STXBP5: variants seen among roughly 807,000 people sequenced by gnomAD.
STXBP5 encodes syntaxin binding protein 5.
STXBP5 carries 50 observed loss-of-function variants against 152.4 expected under a neutral mutation model. The observed-to-expected ratio is 0.33, with a 90% confidence interval of 0.26 to 0.42. The LOEUF (loss-of-function observed/expected upper bound fraction) is 0.42. Ranked by LOEUF, STXBP5 falls within the 10% of genes least tolerant of loss-of-function variation. The pLI, the probability that STXBP5 is intolerant of heterozygous loss-of-function variation, is 1.00. For synonymous variants in STXBP5, 492 were observed against 494.7 expected (o/e 0.99, Z 0.07); for missense variants, 1,167 against 1,388.6 (o/e 0.84, Z 2.54).
intron 4 of STXBP5, among the ~76,000 whole-genome samples, chr6:147,248,542 T>C (rs543622897): frequency 1.3e-5 from 2 of 152,146 alleles, no homozygotes; most frequent in African/African-American, 2.4e-5. Flanking sequence ...TTAGTTAGAT[T>C]GTGATGCAGC....
intron 27 of STXBP5, 138 bp downstream of exon 27, chr6:147,383,136 T>A (rs891776575): frequency 2.0e-6 from 2 of 1,012,242 alleles, no homozygotes; most frequent in African/African-American, 3.2e-5. Flanking sequence ...TTCCTGATTT[T>A]TGCCACCAGA....
At chr6:147,319,856 T>TTA (rs1782829453) in intron 16 of STXBP5, among the ~76,000 whole-genome samples, 1 of 76,318 alleles carries the variant, frequency 1.3e-5, no homozygotes, top group African/African-American at 5.6e-5. Context: ...TTTTTTTTTT[T>TTA]AAAGAGACAG....
At chr6:147,315,480 A>G (rs1196779961) in intron 14 of STXBP5, 35 bp from the exon 15 acceptor site, 3 of 1,396,790 alleles carry the variant, frequency 2.1e-6, no homozygotes, top group Non-Finnish European at 3.0e-6. Flanking sequence ...ATCATTTTAT[A>G]TTAAAGTATC....
intron 4 of STXBP5, among the ~76,000 whole-genome samples, chr6:147,260,121 T>C (rs993827224): frequency 2.0e-5 from 3 of 152,166 alleles, no homozygotes; most frequent in Non-Finnish European, 4.4e-5. Flanking sequence ...TACAAAAGTA[T>C]CACATCAGTT....
chr6:147,303,157 G>A (rs901444193), intron 9 of STXBP5, among the ~76,000 whole-genome samples: 4 of 152,086 alleles, frequency 2.6e-5, no homozygotes, highest in African/African-American at 9.7e-5. Flanking sequence ...TGTCAATTTA[G>A]TACTGATATG....
At chr6:147,311,356 A>G (rs773026975) in intron 10 of STXBP5, 99 bp from the exon 11 acceptor site, 8 of 1,002,960 alleles carry the variant, frequency 8.0e-6, no homozygotes, top group Admixed American at 2.1e-5. Context: ...TTAAATACTC[A>G]AGAGAATGAA....
chr6:147,300,656 A>G (rs1229403407), intron 9 of STXBP5, among the ~76,000 whole-genome samples: 1 of 152,088 alleles, frequency 6.6e-6, no homozygotes, highest in African/African-American at 2.4e-5. Flanking sequence ...AATCTGCTAA[A>G]AAATGTATTA....
At chr6:147,327,372 T>G (rs1783318704) in intron 18 of STXBP5, 96 bp downstream of exon 18, 7 of 1,407,226 alleles carry the variant, frequency 5.0e-6, no homozygotes, top group Non-Finnish European at 6.6e-6. Flanking sequence ...GTAAATAGCT[T>G]GCCTGATTTA....
At chr6:147,363,252 C>G in intron 23 of STXBP5, 83 bp from the exon 24 acceptor site, 3 of 1,342,866 alleles carry the variant, frequency 2.2e-6, no homozygotes, top group Non-Finnish European at 3.0e-6. Flanking sequence ...ATTTAAGTAT[C>G]TACTGTATGT....
intron 8 of STXBP5, among the ~76,000 whole-genome samples, chr6:147,281,448 G>A (rs192414716): frequency 2.0e-4 from 30 of 152,158 alleles, no homozygotes; most frequent in Middle Eastern, 3.4e-3. Flanking sequence ...TCACATTTGT[G>A]GTACATCATT....
intron 3 of STXBP5, among the ~76,000 whole-genome samples, 189 bp from the exon 4 acceptor site, chr6:147,238,981 A>G (rs1440799691): frequency 6.6e-6 from 1 of 152,232 alleles, no homozygotes; most frequent in Non-Finnish European, 1.5e-5. Context: ...ACGTATTTAC[A>G]TGCATGTAAT....
chr6:147,323,082 G>A (rs771767697), intron 16 of STXBP5, among the ~76,000 whole-genome samples: 7 of 136,694 alleles, frequency 5.1e-5, no homozygotes, highest in Non-Finnish European at 9.4e-5. Context: ...CTGTCTGATT[G>A]TACATTCACT....
At chr6:147,238,893 C>T in intron 3 of STXBP5, among the ~76,000 whole-genome samples, 1 of 152,202 alleles carries the variant, frequency 6.6e-6, no homozygotes, top group South Asian at 2.1e-4. Context: ...TAGATCTTAA[C>T]CATACTAATC....
chr6:147,353,770 CT>C (rs1201780511), intron 22 of STXBP5, among the ~76,000 whole-genome samples: 2 of 152,024 alleles, frequency 1.3e-5, no homozygotes, highest in Non-Finnish European at 2.9e-5. Flanking sequence ...AATAGATTAA[CT>C]TTTTTCTGTA....
chr6:147,262,852 A>G (rs1241962872), intron 6 of STXBP5, among the ~76,000 whole-genome samples: 5 of 151,952 alleles, frequency 3.3e-5, no homozygotes, highest in Admixed American at 3.3e-4. Flanking sequence ...CCAGTTTCAT[A>G]TAATCAGTAT....
intron 9 of STXBP5, among the ~76,000 whole-genome samples, chr6:147,301,692 G>A (rs2128362174): frequency 6.6e-6 from 1 of 152,136 alleles, no homozygotes; most frequent in South Asian, 2.1e-4. Context: ...ATGATAAATT[G>A]CCATTCACTT....
chr6:147,204,417 A>C lies in STXBP5; in HGVS notation c.-116A>C. On this transcript the variant is annotated 5_prime_UTR_variant, in exon 1 of 28. Coordinates refer to ENST00000321680, the MANE Select transcript of STXBP5 (RefSeq NM_001127715.4). This position sits in a 1 kb window ranked among gnomAD's most constrained non-coding sequence, Gnocchi z 4.3. ...TCCCCCCAGCTGCCTCCTTACCCTC[A>C]CACTCCCACTCCTCCGTTTCCGCGG... 2.2e-6 allele frequency: 2 copies of C among 917,584 alleles called. No homozygotes were observed. The highest frequency in any genetic ancestry group is 2.6e-5 in the Admixed American group (1 of 39,020). The allele number at this position is 917,584 out of a possible 1,614,324, so 56.8% of individuals were successfully genotyped here.
intron 23 of STXBP5, among the ~76,000 whole-genome samples, chr6:147,360,445 G>A (rs1453906456): frequency 6.6e-6 from 1 of 152,106 alleles, no homozygotes; most frequent in Non-Finnish European, 1.5e-5. Flanking sequence ...AAGATTTCAG[G>A]ATGTTGTTTG....
intron 18 of STXBP5, among the ~76,000 whole-genome samples, chr6:147,333,802 T>C: frequency 6.6e-6 from 1 of 152,232 alleles, no homozygotes; most frequent in East Asian, 1.9e-4. Flanking sequence ...ATGTAACTCC[T>C]TGCCCAGCTA....
Sources: gnomAD v4.1 joint callset for allele counts (sites outside exome capture counted in the v4.1 genomes callset) on GRCh38, gnomAD v4.1.1 for gene constraint, Gnocchi (gnomAD v3.1) non-coding constraint, MANE v1.5 for transcripts, NCBI Gene and HGNC (gene_info 2026-07-23, HGNC 2026-07-21) for gene names.